The following RGS5 variants were observed in gnomAD, a reference collection of about 807,000 sequenced individuals.
RGS5 encodes regulator of G protein signaling 5, also known as regulator of G-protein signalling 5.
A neutral mutation model predicts 18.9 loss-of-function variants in RGS5; 20 were observed. The observed-to-expected ratio is 1.06, with a 90% CI of 0.74 to 1.54. The LOEUF (loss-of-function observed/expected upper bound fraction) is 1.54. RGS5 is among the 40% of genes most tolerant of loss of function. RGS5 has a pLI of 0.00. For synonymous variants in RGS5, 57 were observed against 76.2 expected (o/e 0.75, Z 1.31); for missense variants, 201 against 211.8 (o/e 0.95, Z 0.32).
chr1:163,175,955 T>C (rs1476535000), intron 1 of RGS5, among the ~76,000 whole-genome samples: 1 of 152,140 alleles, frequency 6.6e-6, no homozygotes, highest in Admixed American at 6.5e-5. Context: ...TAAACACAAG[T>C]GAATCATTCC....
At chr1:163,235,954 T>C (rs1008986379) in intron 2 of RGS5, among the ~76,000 whole-genome samples, 28 of 152,186 alleles carry the variant, frequency 1.8e-4, no homozygotes, top group African/African-American at 6.8e-4. Flanking sequence ...CTAGCAAGCA[T>C]AGCCATGAAT....
At chr1:163,306,391 ATAAAAATAAG>A (rs1649700352) in intron 1 of RGS5, 1 of 152,266 alleles carries the variant, frequency 6.6e-6, no homozygotes, top group Non-Finnish European at 1.5e-5. Flanking sequence ...CATTGGTAAT[ATAAAAATAAG>A]TAATTAGTAC....
chr1:163,205,403 T>C (rs1298148872), upstream of RGS5, among the ~76,000 whole-genome samples: 1 of 144,830 alleles, frequency 6.9e-6, no homozygotes, highest in African/African-American at 2.6e-5. Context: ...AAATTTGAAG[T>C]CTGAAAAAAT....
intron 2 of RGS5, among the ~76,000 whole-genome samples, chr1:163,263,547 C>A (rs936966236): frequency 6.6e-6 from 1 of 152,116 alleles, no homozygotes; most frequent in Non-Finnish European, 1.5e-5. Flanking sequence ...AAAGACCAAT[C>A]CCATTCCTTC....
rs563555281 is a variant in RGS5 at position 163,242,890 on chromosome 1, G to A, written c.-281+63343C>T. ...AAGTTACTTCTGCAAAGCAGTATTC[G>A]TTAGACTGTGGGGAAGAGAGAATAA... On this transcript the variant is annotated intron_variant, in intron 2 of 5. Transcript: ENST00000618415. Among the ~76,000 whole-genome samples, 5 of 152,284 alleles carry A rather than the reference G, an allele frequency of 3.3e-5. No homozygotes were observed. The South Asian group carries it at 6.2e-4, about 19-fold the overall frequency.
chr1:163,251,727 T>A (rs1327753984), intron 2 of RGS5, among the ~76,000 whole-genome samples: 1 of 152,178 alleles, frequency 6.6e-6, no homozygotes, highest in Non-Finnish European at 1.5e-5. Flanking sequence ...TATAATTTTG[T>A]CGCTTTGAGA....
At chr1:163,172,765 G>A (rs12035879) in intron 1 of RGS5, among the ~76,000 whole-genome samples, 50,973 of 152,064 alleles carry the variant, frequency 0.34, 9,506 homozygotes, top group Admixed American at 0.43. Context: ...AATGACTAAT[G>A]TTATTGCATT....
At chr1:163,256,112 G>T (rs1382655672) in intron 2 of RGS5, among the ~76,000 whole-genome samples, 1 of 152,186 alleles carries the variant, frequency 6.6e-6, no homozygotes, top group Non-Finnish European at 1.5e-5. Flanking sequence ...TCTGGTCAGG[G>T]CAGTTAGGCA....
intron 1 of RGS5, chr1:163,172,527 T>C: frequency 6.5e-7 from 1 of 1,543,090 alleles, no homozygotes. Flanking sequence ...GAGAAAATCG[T>C]ATTCCATTTC....
intron 2 of RGS5, among the ~76,000 whole-genome samples, chr1:163,223,151 G>A (rs1462424383): frequency 6.6e-6 from 1 of 152,056 alleles, no homozygotes; most frequent in Non-Finnish European, 1.5e-5. Context: ...AGCCTCTATT[G>A]ATTGCTTCAA....
chr1:163,218,309 C>A (rs144023552), upstream of RGS5, among the ~76,000 whole-genome samples: 2 of 152,230 alleles, frequency 1.3e-5, no homozygotes, highest in Non-Finnish European at 2.9e-5. Context: ...AACCAACAAA[C>A]CCACAGATGG....
intron 2 of RGS5, among the ~76,000 whole-genome samples, chr1:163,299,568 T>A (rs1238701872): frequency 6.6e-6 from 1 of 152,200 alleles, no homozygotes; most frequent in Non-Finnish European, 1.5e-5. Context: ...ATTATTGTAA[T>A]AAACAATTGA....
chr1:163,158,443 GCTT>G (rs1657672193), intron 3 of RGS5, among the ~76,000 whole-genome samples: 1 of 152,178 alleles, frequency 6.6e-6, no homozygotes, highest in Non-Finnish European at 1.5e-5. Flanking sequence ...ATTTCACGTA[GCTT>G]CTTTTCTATT....
At chr1:163,159,949 G>C (rs977775693) in intron 3 of RGS5, among the ~76,000 whole-genome samples, 5 of 152,088 alleles carry the variant, frequency 3.3e-5, no homozygotes, top group Non-Finnish European at 5.9e-5. Context: ...TTTCCCCTCT[G>C]AGAAGTAGAA....
At chr1:163,227,470 C>T (rs966351479) in intron 2 of RGS5, among the ~76,000 whole-genome samples, 1 of 152,204 alleles carries the variant, frequency 6.6e-6, no homozygotes, top group East Asian at 1.9e-4. Flanking sequence ...ATGGGGGAAA[C>T]CACCTCCATG....
intron 2 of RGS5, among the ~76,000 whole-genome samples, chr1:163,302,604 T>C (rs1458952608): frequency 2.0e-5 from 3 of 152,206 alleles, no homozygotes; most frequent in Non-Finnish European, 4.4e-5. Flanking sequence ...TCTTCCCTCC[T>C]ACCTCTGGCT....
rs1474045884 is a variant in RGS5 at position 163,168,289 on chromosome 1, C to G, written c.124G>C (p.Glu42Gln). 1 of 1,613,686 alleles carries G rather than the reference C, an allele frequency of 6.2e-7. No individual in the cohort carries two copies. The highest frequency in any genetic ancestry group is 2.2e-5 in the East Asian group (1 of 44,856). The change falls in exon 2 of 5, where the codon GAG (glutamate) becomes CAG (glutamine). Residue 42 changes from glutamate (E) to glutamine (Q), a missense_variant. Coordinates refer to ENST00000313961, the MANE Select transcript of RGS5 (RefSeq NM_003617.4). Reference protein sequence around the residue: ...SVGDLVIPYNEKPEKPAKTQK... With the variant: ...SVGDLVIPYNQKPEKPAKTQK... Reference sequence around the variant, plus strand: ...GTCTTGGCTGGTTTCTCTGGCTTCTCATTGTACGGAATGACAAGGTCACCA... The same window carrying G: ...GTCTTGGCTGGTTTCTCTGGCTTCTGATTGTACGGAATGACAAGGTCACCA...
intron 3 of RGS5, chr1:163,161,686 T>C: frequency 4.5e-6 from 2 of 447,418 alleles, no homozygotes; most frequent in South Asian, 2.5e-5. Context: ...ACTGCAATCA[T>C]GAGTCTTCAG....
At chr1:163,180,353 C>T (rs1356534646) in intron 1 of RGS5, among the ~76,000 whole-genome samples, 1 of 152,142 alleles carries the variant, frequency 6.6e-6, no homozygotes, top group Non-Finnish European at 1.5e-5. Flanking sequence ...ATTACTGTAA[C>T]ATCCCACCTG....
Sources: allele counts gnomAD v4.1 joint callset (sites outside exome capture counted in the v4.1 genomes callset), GRCh38; gene constraint gnomAD v4.1.1; transcripts MANE v1.5; gene names NCBI Gene and HGNC (gene_info 2026-07-23, HGNC 2026-07-21).